Variants in YIPF4 observed in about 807,000 individuals in gnomAD.
YIPF4 encodes protein YIPF4.
YIPF4 carries 18 observed loss-of-function variants against 29.4 expected under a neutral mutation model. That is an observed-to-expected ratio of 0.61 (90% CI 0.42 to 0.91). The LOEUF (loss-of-function observed/expected upper bound fraction) is 0.91, where lower values mean the gene tolerates loss of function less well. Ranked by LOEUF, YIPF4 falls within the 40% of genes least tolerant of loss-of-function variation. The pLI is 0.00. For synonymous variants in YIPF4, 115 were observed against 104.7 expected (o/e 1.10, Z -0.60); for missense variants, 279 against 282.7 (o/e 0.99, Z 0.09).
chr2:32,295,332 G>C (rs1218213974), intron 3 of YIPF4, among the ~76,000 whole-genome samples: 2 of 152,166 alleles, frequency 1.3e-5, no homozygotes, highest in Non-Finnish European at 1.5e-5. Flanking sequence ...TCTGGTGGCT[G>C]CTCTAATAAA....
Position 32,312,453 on chromosome 2 carries a change from A to C in YIPF4, c.*6827A>C, listed in dbSNP as rs1307938525. On this transcript the variant is annotated 3_prime_UTR_variant, in exon 6 of 6. Coordinates refer to ENST00000238831, the MANE Select transcript of YIPF4 (RefSeq NM_032312.4). The stretch of plus-strand genomic sequence containing the variant: ...CAGTGAGCCGAGATCGCGCCACTGC[A>C]CTCCAGCCTGGGCGACAGAGCGAGA... 9.6e-5 allele frequency: 12 copies of C among 124,730 alleles called. No individual in the cohort carries two copies. The highest frequency in any genetic ancestry group is 3.1e-5 in the African/African-American group (1 of 32,302). The allele number at this position is 124,730 out of a possible 1,614,324, so 7.7% of individuals were successfully genotyped here.
chr2:32,298,366 G>T lies in YIPF4; in HGVS notation c.483+55G>T. The T allele has an allele frequency of 2.4e-6, 3 of 1,276,314 alleles. No individual in the cohort carries two copies. The South Asian group carries it at 3.7e-5, about 16-fold the overall frequency. 79.1% of individuals were successfully genotyped at this position (1,276,314 alleles called of 1,614,324 possible). A position where few individuals can be genotyped will look rare whatever the true frequency, so the allele number is the denominator to read the frequency against. On this transcript the variant is annotated intron_variant, in intron 4 of 5. Transcript: ENST00000238831. ...CTTATTTATGGTGAGCTTAGTTTTTGATACTGCAGATATCATCATTAGCTA... is the reference window on the plus strand; with the variant it reads ...CTTATTTATGGTGAGCTTAGTTTTTTATACTGCAGATATCATCATTAGCTA...
intron 1 of YIPF4, among the ~76,000 whole-genome samples, chr2:32,282,720 CTG>C (rs2030481484): frequency 6.6e-6 from 1 of 152,098 alleles, no homozygotes; most frequent in East Asian, 1.9e-4. Flanking sequence ...GTGTGAGCCA[CTG>C]TGCCCCGCCA....
intron 5 of YIPF4, among the ~76,000 whole-genome samples, chr2:32,303,656 A>C (rs915733419): frequency 6.6e-6 from 1 of 152,214 alleles, no homozygotes; most frequent in East Asian, 1.9e-4. Flanking sequence ...ATTGTACTCC[A>C]GTGTAGGTGA....
rs1380499790 is a variant in YIPF4 at position 32,309,110 on chromosome 2, C to T, written c.*3484C>T. On this transcript the variant is annotated 3_prime_UTR_variant, in exon 6 of 6. Transcript: ENST00000238831. ...AAGTAGTTTAGGAAGATTTGTAAAG[C>T]TTATGAACCATTGTAAAACCTTATT... The T allele has an allele frequency of 2.6e-5, 4 of 151,624 alleles. No homozygotes were observed. The highest frequency in any genetic ancestry group is 9.7e-5 in the African/African-American group (4 of 41,242). The allele number at this position is 151,624 out of a possible 1,614,324, so 9.4% of individuals were successfully genotyped here. A position where few individuals can be genotyped will look rare whatever the true frequency, so the allele number is the denominator to read the frequency against.
chr2:32,298,255 AT>A lies in YIPF4; in HGVS notation c.430del (p.Trp144GlyfsTer6). On this transcript the variant is annotated frameshift_variant, in exon 4 of 6. Coordinates refer to ENST00000238831, the MANE Select transcript of YIPF4 (RefSeq NM_032312.4). LOFTEE classifies it high-confidence loss of function. ...QFRVVSWIITIWIFGSLTIFL... is the reference protein window; with the variant it reads ...QFRVVSWIITXWIFGSLTIFL... Reference sequence around the variant, plus strand: ...TAAGGTGGTCTCATGGATTATAACCATTTGGATATTTGGTTCACTAACAATT... The same window carrying A: ...TAAGGTGGTCTCATGGATTATAACCATTGGATATTTGGTTCACTAACAATT... 6.2e-7 allele frequency: 1 copy of A among 1,610,280 alleles called. No individual in the cohort carries two copies. The highest frequency in any genetic ancestry group is 8.5e-7 in the Non-Finnish European group (1 of 1,177,730).
chr2:32,282,372 A>G (rs138987165), intron 1 of YIPF4, among the ~76,000 whole-genome samples: 5 of 152,290 alleles, frequency 3.3e-5, no homozygotes, highest in African/African-American at 1.2e-4. Flanking sequence ...AGAGTCCTGG[A>G]TTTGCATCCT....
chr2:32,295,805 G>T (rs1447095255), intron 3 of YIPF4, among the ~76,000 whole-genome samples: 1 of 152,120 alleles, frequency 6.6e-6, no homozygotes, highest in African/African-American at 2.4e-5. Flanking sequence ...GTTTCACCAT[G>T]TTAGTCAGGC....
chr2:32,311,355 C>A lies in YIPF4; in HGVS notation c.*5729C>A, dbSNP rs890184621. On this transcript the variant is annotated 3_prime_UTR_variant, in exon 6 of 6. Transcript: ENST00000238831. ...AGGATTAGTTTTCTCTTTGAAAATTCTTTTGATATGCTGAGGTTACAGTTT... is the reference window on the plus strand; with the variant it reads ...AGGATTAGTTTTCTCTTTGAAAATTATTTTGATATGCTGAGGTTACAGTTT... The A allele has an allele frequency of 6.6e-6, 1 of 152,096 alleles. No homozygotes were observed. The allele number at this position is 152,096 out of a possible 1,614,324, so 9.4% of individuals were successfully genotyped here. A position where few individuals can be genotyped will look rare whatever the true frequency, so the allele number is the denominator to read the frequency against.
rs1232543565 is a variant in YIPF4, at chr2:32,309,586, T to C, written c.*3960T>C. ...ATAATGCTTCTACAACTTAAAATTA[T>C]TTTTCATAGTGAACAAAACTAGTTG... On this transcript the variant is annotated 3_prime_UTR_variant, in exon 6 of 6. Transcript: ENST00000238831. The C allele has an allele frequency of 2.0e-5, 3 of 152,210 alleles. No individual in the cohort carries two copies. The highest frequency in any genetic ancestry group is 7.2e-5 in the African/African-American group (3 of 41,464). The allele number at this position is 152,210 out of a possible 1,614,324, so 9.4% of individuals were successfully genotyped here.
intron 2 of YIPF4, 105 bp downstream of exon 2, chr2:32,290,741 A>C (rs2030875546): frequency 2.8e-6 from 2 of 726,832 alleles, no homozygotes; most frequent in African/African-American, 3.7e-5. Context: ...TTTTTGGTCA[A>C]AAGCTATAGT....
chr2:32,300,092 C>T (rs1184057229), intron 4 of YIPF4, among the ~76,000 whole-genome samples: 2 of 151,952 alleles, frequency 1.3e-5, no homozygotes, highest in Admixed American at 1.3e-4. Flanking sequence ...CATGGAGAAA[C>T]CCCATCCCTA....
At chr2:32,289,383 C>T (rs890252396) in intron 1 of YIPF4, among the ~76,000 whole-genome samples, 1 of 152,144 alleles carries the variant, frequency 6.6e-6, no homozygotes, top group African/African-American at 2.4e-5. Context: ...GCAAATTAAG[C>T]TCTTTGTACT....
rs1476604286 is a variant in YIPF4 at position 32,314,919 on chromosome 2, A to G, written c.*9293A>G. 1 of 152,200 alleles carries G rather than the reference A, an allele frequency of 6.6e-6. No individual in the cohort carries two copies. Among genetic ancestry groups the G allele is most frequent in the African/African-American group, 2.4e-5 (1 of 41,442 alleles). The allele number at this position is 152,200 out of a possible 1,614,324, so 9.4% of individuals were successfully genotyped here. Reference sequence around the variant, plus strand: ...TTGGTATAAAAAGATGGAATATTAAATAAGTGGGGATACTGTATCAGATAG... The same window carrying G: ...TTGGTATAAAAAGATGGAATATTAAGTAAGTGGGGATACTGTATCAGATAG... On this transcript the variant is annotated 3_prime_UTR_variant, in exon 6 of 6. Coordinates refer to ENST00000238831, the MANE Select transcript of YIPF4 (RefSeq NM_032312.4).
Position 32,312,450 on chromosome 2 carries a change from T to C in YIPF4, c.*6824T>C, listed in dbSNP as rs1408602400. 13 of 113,058 alleles carry C rather than the reference T, an allele frequency of 1.1e-4. No homozygotes were observed. The highest frequency in any genetic ancestry group is 4.6e-4 in the African/African-American group (13 of 28,414). 7.0% of individuals were successfully genotyped at this position (113,058 alleles called of 1,614,324 possible). ...TTGCAGTGAGCCGAGATCGCGCCAC[T>C]GCACTCCAGCCTGGGCGACAGAGCG... On this transcript the variant is annotated 3_prime_UTR_variant, in exon 6 of 6. Transcript: ENST00000238831.
At chr2:32,280,507 T>C (rs1177168184) in intron 1 of YIPF4, among the ~76,000 whole-genome samples, 1 of 150,850 alleles carries the variant, frequency 6.6e-6, no homozygotes, top group East Asian at 1.9e-4. Context: ...GCCTCCCGAG[T>C]AGCTAGGACT....
chr2:32,313,373 G>T lies in YIPF4; in HGVS notation c.*7747G>T, dbSNP rs2031756402. ...ATTCTAGGCCATTCTTTCTTTGTCA[G>T]AGCTTTTTTGTTGAGATGGAGTCTC... is the stretch of plus-strand genomic sequence containing the variant. On this transcript the variant is annotated 3_prime_UTR_variant, in exon 6 of 6. Coordinates refer to ENST00000238831, the MANE Select transcript of YIPF4 (RefSeq NM_032312.4). 1 of 152,150 alleles carries T rather than the reference G, an allele frequency of 6.6e-6. No homozygotes were observed. Among genetic ancestry groups the T allele is most frequent in the Admixed American group, 6.6e-5 (1 of 15,260 alleles). The allele number at this position is 152,150 out of a possible 1,614,324, so 9.4% of individuals were successfully genotyped here. A position where few individuals can be genotyped will look rare whatever the true frequency, so the allele number is the denominator to read the frequency against.
intron 2 of YIPF4, 68 bp from the exon 3 acceptor site, chr2:32,292,109 T>A: frequency 8.9e-7 from 1 of 1,117,404 alleles, no homozygotes; most frequent in Non-Finnish European, 1.2e-6. Context: ...TTTTCTTAAT[T>A]TTTTTTTGGA....
rs957085168 is a variant in YIPF4, at chr2:32,311,513, T to C, written c.*5887T>C. The C allele has an allele frequency of 6.6e-6, 1 of 152,216 alleles. No homozygotes were observed. The allele number at this position is 152,216 out of a possible 1,614,324, so 9.4% of individuals were successfully genotyped here. A position where few individuals can be genotyped will look rare whatever the true frequency, so the allele number is the denominator to read the frequency against. ...GCAAGATATTTGCAAGTTTTTACTT[T>C]GAAGATGTTTGGTTTATAGTAGTCC... On this transcript the variant is annotated 3_prime_UTR_variant, in exon 6 of 6. Transcript: ENST00000238831.
Sources: gnomAD v4.1 joint callset for allele counts (sites outside exome capture counted in the v4.1 genomes callset) on GRCh38, gnomAD v4.1.1 for gene constraint, MANE v1.5 for transcripts, NCBI Gene and HGNC (gene_info 2026-07-23, HGNC 2026-07-21) for gene names.